TMEM229B: variants seen among roughly 807,000 people sequenced by gnomAD.
TMEM229B encodes transmembrane protein 229B.
TMEM229B carries 6 observed loss-of-function variants against 13.7 expected under a neutral mutation model. The ratio of observed to expected loss-of-function variants is 0.44; its 90% CI spans 0.24 to 0.86. TMEM229B has a LOEUF of 0.86. TMEM229B is among the 40% of genes least tolerant of loss of function. The pLI, the probability that TMEM229B is intolerant of heterozygous loss-of-function variation, is 0.23. For missense variants in TMEM229B, 170 were observed against 236.0 expected, an observed-to-expected ratio of 0.72 and a Z score of 1.83; for synonymous variants, 107 against 102.1, an observed-to-expected ratio of 1.05 and a Z score of -0.29.
At chr14:67,476,536 A>C (rs932799472) in intron 2 of TMEM229B, among the ~76,000 whole-genome samples, 5 of 152,114 alleles carry the variant, frequency 3.3e-5, no homozygotes, top group African/African-American at 9.7e-5. Context: ...GCAGTGAGCC[A>C]AGATCATGCC....
At chr14:67,522,038 G>A (rs928404975) in intron 1 of TMEM229B, among the ~76,000 whole-genome samples, 1 of 152,180 alleles carries the variant, frequency 6.6e-6, no homozygotes, top group African/African-American at 2.4e-5. Flanking sequence ...GCCGGGCATG[G>A]TGGAGCGTGC....
chr14:67,504,746 G>A (rs1206935183), intron 1 of TMEM229B, among the ~76,000 whole-genome samples: 3 of 152,170 alleles, frequency 2.0e-5, no homozygotes, highest in South Asian at 2.1e-4. Flanking sequence ...TTATCTGGGC[G>A]TGGTGGCGGG....
upstream of TMEM229B, among the ~76,000 whole-genome samples, chr14:67,516,030 T>C (rs1288700415): frequency 1.3e-5 from 2 of 152,214 alleles, no homozygotes. Flanking sequence ...GATTCTTTTA[T>C]TGGGAGGTGG....
rs937429104 is a variant in TMEM229B, at chr14:67,477,114, C to T, written c.-18-3173G>A. Reference sequence around the variant, plus strand: ...CTGGGAGGTGGAGGTTGCAGTGAGTCGCGATCGCACCATTGCACTCCAGCC... The same window carrying T: ...CTGGGAGGTGGAGGTTGCAGTGAGTTGCGATCGCACCATTGCACTCCAGCC... On this transcript the variant is annotated intron_variant, in intron 2 of 2. Coordinates refer to ENST00000554480, the MANE Select transcript of TMEM229B (RefSeq NM_001348543.2). Among the ~76,000 whole-genome samples, 7 of 151,466 alleles carry T rather than the reference C, an allele frequency of 4.6e-5. No individual in the cohort carries two copies. In the South Asian group the frequency reaches 8.3e-4, roughly 18 times the overall value.
chr14:67,483,676 C>T (rs1471410772), intron 2 of TMEM229B, among the ~76,000 whole-genome samples: 1 of 152,222 alleles, frequency 6.6e-6, no homozygotes, highest in Non-Finnish European at 1.5e-5. Context: ...CCAAGGCATG[C>T]GCCATTCAAA....
chr14:67,492,196 C>T (rs146117652), upstream of TMEM229B, among the ~76,000 whole-genome samples: 2 of 152,182 alleles, frequency 1.3e-5, no homozygotes, highest in East Asian at 1.9e-4. Context: ...TCTGGTCCCA[C>T]GTCTATTTCC....
At chr14:67,512,978 T>C (rs1435768842) in intron 1 of TMEM229B, among the ~76,000 whole-genome samples, 3 of 152,190 alleles carry the variant, frequency 2.0e-5, no homozygotes, top group Non-Finnish European at 4.4e-5. Flanking sequence ...AGAAACAATA[T>C]GTAAATCTGA....
intron 2 of TMEM229B, among the ~76,000 whole-genome samples, chr14:67,486,159 C>G (rs896520500): frequency 1.3e-5 from 2 of 152,228 alleles, no homozygotes; most frequent in African/African-American, 4.8e-5. Context: ...CAAATCTCAT[C>G]TTGAATTTCC....
chr14:67,510,295 G>T (rs1461017053), intron 1 of TMEM229B, among the ~76,000 whole-genome samples: 1 of 152,234 alleles, frequency 6.6e-6, no homozygotes, highest in African/African-American at 2.4e-5. Context: ...GGGCTGAAAT[G>T]GGCTGTCCAA....
At chr14:67,496,388 GGC>G (rs1336657064) in intron 1 of TMEM229B, among the ~76,000 whole-genome samples, 18 of 54,664 alleles carry the variant, frequency 3.3e-4, no homozygotes, top group African/African-American at 8.2e-4. Flanking sequence ...CCACTGCTCC[GGC>G]GTTTTTTTTT....
intron 1 of TMEM229B, chr14:67,503,575 C>G: frequency 6.6e-6 from 1 of 152,232 alleles, no homozygotes; most frequent in Non-Finnish European, 1.5e-5. Context: ...CAGAGGGTAG[C>G]AGTTTAAAAG....
chr14:67,489,638 T>C (rs539203429), upstream of TMEM229B, among the ~76,000 whole-genome samples: 8 of 152,310 alleles, frequency 5.3e-5, no homozygotes, highest in South Asian at 1.7e-3. Context: ...ATTCCATCAC[T>C]GATGTTCCCA....
intron 1 of TMEM229B, chr14:67,533,163 C>A (rs1418134147): frequency 1.3e-5 from 2 of 151,852 alleles, no homozygotes; most frequent in Non-Finnish European, 2.9e-5. Flanking sequence ...GGGCGCCCGG[C>A]GGAGCGTTGA....
In TMEM229B at chr14:67,470,519, G is replaced by A. The variant is rs777192742; in HGVS notation, c.*2901C>T. ...CTGCCATGGCTCCCCTAAGGGCTGG[G>A]CCTCTAACCTGTCTGCATCCCAGGG... is the stretch of plus-strand genomic sequence containing the variant. On this transcript the variant is annotated 3_prime_UTR_variant, in exon 3 of 3. Transcript: ENST00000554480. 6.6e-6 allele frequency: 1 copy of A among 152,526 alleles called. No homozygotes were observed. 9.4% of individuals were successfully genotyped at this position (152,526 alleles called of 1,614,324 possible).
chr14:67,495,091 C>A (rs1337833243), intron 1 of TMEM229B, among the ~76,000 whole-genome samples: 1 of 152,036 alleles, frequency 6.6e-6, no homozygotes, highest in Non-Finnish European at 1.5e-5. Flanking sequence ...AGTTTGGAGG[C>A]AAAAACATCA....
At chr14:67,499,229 C>T (rs535811839) in intron 1 of TMEM229B, among the ~76,000 whole-genome samples, 20 of 152,178 alleles carry the variant, frequency 1.3e-4, no homozygotes, top group African/African-American at 3.9e-4. Context: ...GTCTCAAACT[C>T]CTGGCCTCAA....
intron 2 of TMEM229B, among the ~76,000 whole-genome samples, chr14:67,480,355 A>G (rs1231881563): frequency 6.6e-6 from 1 of 152,166 alleles, no homozygotes; most frequent in Non-Finnish European, 1.5e-5. Context: ...CCTCAGGAGA[A>G]CAAAACTCCC....
chr14:67,511,041 C>T (rs1375940074), intron 1 of TMEM229B, among the ~76,000 whole-genome samples: 2 of 152,204 alleles, frequency 1.3e-5, no homozygotes, highest in Non-Finnish European at 2.9e-5. Flanking sequence ...CCTAGCTCCT[C>T]AGGGCTGATG....
chr14:67,533,205 T>C (rs2033526672), intron 1 of TMEM229B: 1 of 151,226 alleles, frequency 6.6e-6, no homozygotes, highest in Admixed American at 6.6e-5. Flanking sequence ...CCGGGCTTTG[T>C]GCAGCGAGCC....
Sources: allele counts gnomAD v4.1 joint callset (sites outside exome capture counted in the v4.1 genomes callset), GRCh38; gene constraint gnomAD v4.1.1; transcripts MANE v1.5; gene names NCBI Gene and HGNC (gene_info 2026-07-23, HGNC 2026-07-21).